The following RFT1 variants were observed in gnomAD, a reference collection of about 807,000 sequenced individuals.
RFT1 encodes the protein man(5)GlcNAc(2)-PP-dolichol translocation protein RFT1.
Under a neutral mutation model 62.2 loss-of-function variants are expected in RFT1, and 43 were observed. That is an observed-to-expected ratio of 0.69 (90% CI 0.54 to 0.89). The LOEUF (loss-of-function observed/expected upper bound fraction) is 0.89, where lower values mean the gene tolerates loss of function less well. Among genes scored for constraint, RFT1 ranks in the 40% least tolerant of loss-of-function variants. The pLI is 0.00. For synonymous variants in RFT1, 262 were observed against 264.6 expected (o/e 0.99, Z 0.10); for missense variants, 605 against 649.9 (o/e 0.93, Z 0.75).
intron 9 of RFT1, among the ~76,000 whole-genome samples, chr3:53,105,346 G>A (rs2107113331): frequency 6.6e-6 from 1 of 152,204 alleles, no homozygotes; most frequent in African/African-American, 2.4e-5. Flanking sequence ...CCTGGGAGGT[G>A]GAGGTTGCAG....
In RFT1 at chr3:53,092,464, G is replaced by A. The variant is rs1348846125; in HGVS notation, c.1363C>T (p.Arg455Ter). 2.2e-5 allele frequency: 35 copies of A among 1,611,882 alleles called. No individual in the cohort carries two copies. Among genetic ancestry groups the A allele is most frequent in the South Asian group, 4.4e-5 (4 of 90,306 alleles). ...GCCAGGGGCCTGTGGGGGCTCCTTC[G>A]GTAGTAGCGGTGGATGAAGCAAAGG... ...QSLCFIHRYYRRSPHRPLAGL... is the reference protein window; with the variant it reads ...QSLCFIHRYY Residue 455 changes from arginine (R) to a stop codon, truncating the protein, a stop_gained, in exon 12 of 13, where the codon CGA becomes TGA. Transcript: ENST00000296292. LOFTEE classifies it high-confidence loss of function.
chr3:53,123,865 TA>T, intron 2 of RFT1, 25 bp from the exon 3 acceptor site: 1 of 1,574,402 alleles, frequency 6.4e-7, no homozygotes, highest in African/African-American at 1.3e-5. Context: ...GAGAAATCAA[TA>T]AGGTCTCAAG....
chr3:53,068,790 T>C, the RFT1 span, among the ~76,000 whole-genome samples: 1 of 152,214 alleles, frequency 6.6e-6, no homozygotes, highest in Admixed American at 6.5e-5. Context: ...TACTTTACAA[T>C]GGTGCAAAAG....
chr3:53,083,021 C>T, the RFT1 span, among the ~76,000 whole-genome samples: 1 of 151,104 alleles, frequency 6.6e-6, no homozygotes, highest in South Asian at 2.1e-4. Context: ...AATGGTGAAA[C>T]CCCATCTCTA....
At position 53,103,943 on chromosome 3, in the gene RFT1, T is replaced by C. The variant is rs1701387439; in HGVS notation, c.1102+10A>G. On this transcript the variant is annotated intron_variant, in intron 10 of 12. Transcript: ENST00000296292. ...AATCAGAAAAAATCCAGAAAAACTC[T>C]TGTGCGTACCGGATCCTGAGCTAAG... 3.1e-6 allele frequency: 5 copies of C among 1,614,176 alleles called. No homozygotes were observed. Among genetic ancestry groups the C allele is most frequent in the African/African-American group, 2.7e-5 (2 of 75,056 alleles).
At chr3:53,079,621 C>T in the RFT1 span, among the ~76,000 whole-genome samples, 1 of 152,052 alleles carries the variant, frequency 6.6e-6, no homozygotes, top group Admixed American at 6.6e-5. Flanking sequence ...GTAATCCCAG[C>T]TACTTGAGAG....
In RFT1 at chr3:53,122,419, C is replaced by G. The variant is rs990446946; in HGVS notation, c.411G>C (p.Glu137Asp). The G allele has an allele frequency of 6.2e-7, 1 of 1,614,006 alleles. No individual in the cohort carries two copies. Among genetic ancestry groups the G allele is most frequent in the Non-Finnish European group, 8.5e-7 (1 of 1,180,000 alleles). ...GTGCTTGTGCCAAGACCCAAAAGGG[C>G]TCTCCTAGAAGCTCCACCACTGCCG... ...GLSAVVELLG[E>D]PFWVLAQAHM... Residue 137 changes from glutamate to aspartate, a missense_variant, in exon 4 of 13, where the codon GAG becomes GAC. Physicochemically the swap from Glu to Asp is conservative, Grantham distance 45. Transcript: ENST00000296292.
At chr3:53,120,239 C>T (rs1181137154) in intron 5 of RFT1, among the ~76,000 whole-genome samples, 1 of 152,206 alleles carries the variant, frequency 6.6e-6, no homozygotes, top group Non-Finnish European at 1.5e-5. Context: ...ACTGGAAGAA[C>T]ATAATTCTTC....
At chr3:53,120,860 C>T (rs1416538045) in intron 5 of RFT1, among the ~76,000 whole-genome samples, 1 of 152,196 alleles carries the variant, frequency 6.6e-6, no homozygotes, top group Non-Finnish European at 1.5e-5. Context: ...CTCTCCACTC[C>T]CAACCATGCC....
chr3:53,116,825 A>G (rs1701821503), intron 6 of RFT1, among the ~76,000 whole-genome samples: 1 of 151,646 alleles, frequency 6.6e-6, no homozygotes, highest in Admixed American at 6.6e-5. Flanking sequence ...GCTGGTTTCC[A>G]ACTCCTGACC....
rs1209183859 is a variant in RFT1 at position 53,121,574 on chromosome 3, T to C, written c.558+125A>G. On this transcript the variant is annotated intron_variant, in intron 5 of 12. Transcript: ENST00000296292. The stretch of plus-strand genomic sequence containing the variant: ...AGAAGCAGTGCTAAGGCCACCCTTC[T>C]GGTGCTTCCACCTCCTGCACAGGCA... The C allele has an allele frequency of 1.0e-5, 8 of 778,040 alleles. 1 individual carries two copies. The South Asian group carries it at 1.2e-4, about 12-fold the overall frequency. The allele number at this position is 778,040 out of a possible 1,614,324, so 48.2% of individuals were successfully genotyped here.
chr3:53,110,438 C>G (rs1340872257), intron 7 of RFT1, among the ~76,000 whole-genome samples: 3 of 152,200 alleles, frequency 2.0e-5, no homozygotes, highest in African/African-American at 7.2e-5. Flanking sequence ...TCACTCAGCT[C>G]TTCTGAGGCT....
At chr3:53,070,675 G>A in the RFT1 span, among the ~76,000 whole-genome samples, 62 of 151,242 alleles carry the variant, frequency 4.1e-4, no homozygotes, top group African/African-American at 1.4e-3. Context: ...ACTGCTGGGT[G>A]TATTATGTTT....
At chr3:53,123,984 C>A in intron 2 of RFT1, 144 bp from the exon 3 acceptor site, 1 of 681,116 alleles carries the variant, frequency 1.5e-6, no homozygotes, top group Non-Finnish European at 2.6e-6. Context: ...TCTTACAGGA[C>A]CCCCTACCGG....
the RFT1 span, among the ~76,000 whole-genome samples, chr3:53,080,231 T>A: frequency 6.6e-6 from 1 of 152,238 alleles, no homozygotes; most frequent in Non-Finnish European, 1.5e-5. Flanking sequence ...GGAGCATCCC[T>A]TCTTGTCCTG....
rs1701005371 is a variant in RFT1 at position 53,092,052 on chromosome 3, G to A, written c.1477C>T (p.Gln493Ter). ...TGTGCCAGTCTGGCTGGCCAGCCCTGCTCACAGCAGAGGAATACCTGGGGA... is the reference window on the plus strand; with the variant it reads ...TGTGCCAGTCTGGCTGGCCAGCCCTACTCACAGCAGAGGAATACCTGGGGA... ...AVSEVFLCCE[Q>*]GWPARLAHIA... The change falls in exon 13 of 13, where the codon CAG (glutamine) becomes TAG (stop). Residue 493 changes from glutamine to a stop codon, truncating the protein, a stop_gained. Coordinates refer to ENST00000296292, the MANE Select transcript of RFT1 (RefSeq NM_052859.4). LOFTEE classifies it high-confidence loss of function. The A allele has an allele frequency of 3.1e-6, 5 of 1,614,116 alleles. No individual in the cohort carries two copies. Among genetic ancestry groups the A allele is most frequent in the African/African-American group, 1.3e-5 (1 of 74,950 alleles).
intron 10 of RFT1, among the ~76,000 whole-genome samples, chr3:53,102,676 TG>T (rs758458427): frequency 2.0e-5 from 3 of 152,242 alleles, no homozygotes; most frequent in Non-Finnish European, 4.4e-5. Context: ...CACAAAAGCC[TG>T]TCCGTGCTGT....
intron 11 of RFT1, among the ~76,000 whole-genome samples, chr3:53,096,054 G>C (rs1056860098): frequency 2.6e-5 from 4 of 152,132 alleles, no homozygotes; most frequent in African/African-American, 9.7e-5. Flanking sequence ...ATGGCGCTGT[G>C]CCATAGGGGC....
At position 53,098,585 on chromosome 3, in the gene RFT1, A is replaced by G. The variant is rs537035811; in HGVS notation, c.1208+796T>C. Among the ~76,000 whole-genome samples, 78 of 152,124 alleles carry G rather than the reference A, an allele frequency of 5.1e-4. 1 individual carries two copies. Among genetic ancestry groups the G allele is most frequent in the Middle Eastern group, 3.4e-3 (1 of 294 alleles). Reference sequence around the variant, plus strand: ...TGGGAGGCCAAGGCGGGAGAATCACAAGGTCAGGAGATCGAGACCAACCTG... The same window carrying G: ...TGGGAGGCCAAGGCGGGAGAATCACGAGGTCAGGAGATCGAGACCAACCTG... On this transcript the variant is annotated intron_variant, in intron 11 of 12. Coordinates refer to ENST00000296292, the MANE Select transcript of RFT1 (RefSeq NM_052859.4).
Sources: gnomAD v4.1 joint callset for allele counts (sites outside exome capture counted in the v4.1 genomes callset) on GRCh38, gnomAD v4.1.1 for gene constraint, MANE v1.5 for transcripts, NCBI Gene and HGNC (gene_info 2026-07-23, HGNC 2026-07-21) for gene names.